Variants in CEP83 observed in about 807,000 individuals in gnomAD.
CEP83 encodes the protein centrosomal protein of 83 kDa.
Under a neutral mutation model 101.9 loss-of-function variants are expected in CEP83, and 70 were observed. The ratio of observed to expected loss-of-function variants is 0.69; its 90% CI spans 0.57 to 0.84. The LOEUF (loss-of-function observed/expected upper bound fraction) is 0.84. Among genes scored for constraint, CEP83 ranks in the 40% least tolerant of loss-of-function variants. The pLI is 0.00. For synonymous variants in CEP83, 264 were observed against 267.9 expected (o/e 0.99, Z 0.14); for missense variants, 715 against 787.2 (o/e 0.91, Z 1.10).
chr12:94,299,581 C>T, the CEP83 span, among the ~76,000 whole-genome samples: 17 of 151,942 alleles, frequency 1.1e-4, no homozygotes, highest in Non-Finnish European at 2.2e-4. Flanking sequence ...TTTTTTGAGA[C>T]AGGGTCTCAC....
In CEP83 at chr12:94,308,745, G is replaced by C; in HGVS notation, c.*68C>G. 9.4e-7 allele frequency: 1 copy of C among 1,064,704 alleles called. No individual in the cohort carries two copies. Among genetic ancestry groups the C allele is most frequent in the Non-Finnish European group, 1.5e-6 (1 of 687,682 alleles). The allele number at this position is 1,064,704 out of a possible 1,614,324, so 66.0% of individuals were successfully genotyped here. A position where few individuals can be genotyped will look rare whatever the true frequency, so the allele number is the denominator to read the frequency against. On this transcript the variant is annotated 3_prime_UTR_variant, in exon 17 of 17. Transcript: ENST00000397809. ...CAGTAAAAAGTATCTAAATGCCACA[G>C]GTTAAAATGTCAAGTTTTACTGAGT...
At chr12:94,332,539 T>C (rs2059268777) in intron 13 of CEP83, among the ~76,000 whole-genome samples, 1 of 152,204 alleles carries the variant, frequency 6.6e-6, no homozygotes, top group African/African-American at 2.4e-5. Flanking sequence ...ATGAATATTA[T>C]TTAGAAACCA....
At chr12:94,305,006 G>A (rs1427484969), downstream of CEP83, among the ~76,000 whole-genome samples, 2 of 152,214 alleles carry the variant, frequency 1.3e-5, no homozygotes, top group Non-Finnish European at 2.9e-5. Flanking sequence ...AGGTATTGTT[G>A]ATCCTGTGAT....
chr12:94,333,513 G>T lies in CEP83; in HGVS notation c.1546C>A (p.Gln516Lys). The part of the protein sequence containing the change: ...LKQECRNFRS[Q>K]AEKAQLEAEK... ...GCTTCTAGTTGCGCTTTTTCAGCTT[G>T]GCTTCTAAAATTTCGGCATTCTTGT... Residue 516 changes from glutamine (Q) to lysine (K), a missense_variant, in exon 13 of 17, where the codon CAA becomes AAA. Physicochemically the swap from Gln to Lys is moderately conservative, Grantham distance 53. Coordinates refer to ENST00000397809, the MANE Select transcript of CEP83 (RefSeq NM_016122.3). 6.2e-7 allele frequency: 1 copy of T among 1,613,084 alleles called. No individual in the cohort carries two copies. Among genetic ancestry groups the T allele is most frequent in the Non-Finnish European group, 8.5e-7 (1 of 1,179,590 alleles).
chr12:94,414,379 T>A (rs2064118840), intron 2 of CEP83, among the ~76,000 whole-genome samples: 1 of 152,204 alleles, frequency 6.6e-6, no homozygotes, highest in South Asian at 2.1e-4. Flanking sequence ...CACTGTTGTC[T>A]CATTTTAAGA....
At chr12:94,406,476 AGT>A (rs370002397) in intron 4 of CEP83, among the ~76,000 whole-genome samples, 69 of 150,570 alleles carry the variant, frequency 4.6e-4, no homozygotes, top group Non-Finnish European at 4.7e-4. Context: ...AGTGAGAGTG[AGT>A]GTGTGTGTGT....
chr12:94,363,820 C>T lies in CEP83; in HGVS notation c.1343+3974G>A, dbSNP rs150257502. 1.8e-3 allele frequency among the ~76,000 whole-genome samples: 269 copies of T among 151,776 alleles called. 1 individual carries two copies. The highest frequency in any genetic ancestry group is 5.5e-3 in the African/African-American group (228 of 41,406). ...AAAATTAGCCAGGTATGGTAGCAGG[C>T]GCCTTTAATCCCAGCTACTTGGGAG... On this transcript the variant is annotated intron_variant, in intron 11 of 16. Coordinates refer to ENST00000397809, the MANE Select transcript of CEP83 (RefSeq NM_016122.3).
intron 4 of CEP83, among the ~76,000 whole-genome samples, 155 bp downstream of exon 4, chr12:94,411,542 A>G (rs562640312): frequency 6.6e-6 from 1 of 152,294 alleles, no homozygotes; most frequent in African/African-American, 2.4e-5. Flanking sequence ...ACATTCTAAA[A>G]TATATGAAAG....
At chr12:94,390,107 G>C (rs562828812) in intron 6 of CEP83, among the ~76,000 whole-genome samples, 1 of 152,324 alleles carries the variant, frequency 6.6e-6, no homozygotes, top group East Asian at 1.9e-4. Flanking sequence ...GCTCTGAAGA[G>C]AGCAGTGGTT....
chr12:94,432,755 A>G (rs1381693042), intron 2 of CEP83, among the ~76,000 whole-genome samples: 2 of 152,224 alleles, frequency 1.3e-5, no homozygotes, highest in Admixed American at 1.3e-4. Context: ...AAATGTTCCC[A>G]ACATAAATGA....
intron 11 of CEP83, among the ~76,000 whole-genome samples, chr12:94,340,564 G>A (rs1014763556): frequency 2.0e-5 from 3 of 151,978 alleles, no homozygotes; most frequent in South Asian, 4.1e-4. Context: ...AGCCTCCTGA[G>A]TAGCTGGGAC....
At position 94,423,615 on chromosome 12, in the gene CEP83, G is replaced by A. The variant is rs113193129; in HGVS notation, c.-101-11024C>T. The A allele has an allele frequency of 2.3e-5, 36 of 1,544,326 alleles. No individual in the cohort carries two copies. The African/African-American group carries it at 2.7e-4, about 12-fold the overall frequency. On this transcript the variant is annotated intron_variant, in intron 2 of 16. Coordinates refer to ENST00000397809, the MANE Select transcript of CEP83 (RefSeq NM_016122.3). ...AGGCCCAGGCCTGTGAAAAACGATG[G>A]CTAAGTGTTAGTCCTTAGCAGGGCC...
chr12:94,459,307 T>A (rs150504295), intron 1 of CEP83, among the ~76,000 whole-genome samples: 1 of 152,302 alleles, frequency 6.6e-6, no homozygotes, highest in East Asian at 1.9e-4. Context: ...AGCTTTTTCA[T>A]CGTAAATTAA....
chr12:94,368,014 T>C (rs373035671), intron 10 of CEP83, 43 bp downstream of exon 10: 3 of 1,605,136 alleles, frequency 1.9e-6, no homozygotes, highest in Admixed American at 1.7e-5. Flanking sequence ...ATGTTTTCAT[T>C]TGCAAGGATA....
chr12:94,298,858 A>C, the CEP83 span: 4 of 1,367,382 alleles, frequency 2.9e-6, no homozygotes, highest in Non-Finnish European at 2.0e-6. Flanking sequence ...AACTAAAAGA[A>C]AGACATAGAT....
intron 1 of CEP83, among the ~76,000 whole-genome samples, chr12:94,435,542 C>G (rs181642045): frequency 6.6e-6 from 1 of 152,202 alleles, no homozygotes; most frequent in South Asian, 2.1e-4. Context: ...AAGACATGAA[C>G]TCTCGGGAGC....
chr12:94,321,792 CAG>C (rs2058755329), intron 14 of CEP83, among the ~76,000 whole-genome samples: 1 of 152,064 alleles, frequency 6.6e-6, no homozygotes, highest in South Asian at 2.1e-4. Context: ...CAGACAGTAA[CAG>C]AGCTGCTACT....
rs759605597 is a variant in CEP83, at chr12:94,310,038, A to G, written c.1881T>C (p.Asn627=). The change falls in exon 16 of 17, where the codon AAT becomes AAC. Residue 627 remains asparagine, a synonymous_variant. Transcript: ENST00000397809. ...GAACCAAAATTAGACTTCGAAATTCATTATGTCTTCTCTGTATATCTTTTA... is the reference window on the plus strand; with the variant it reads ...GAACCAAAATTAGACTTCGAAATTCGTTATGTCTTCTCTGTATATCTTTTA... The part of the protein sequence containing the change: ...KRLKDIQRRH[N]EFRSLILVPN... 1 of 1,607,404 alleles carries G rather than the reference A, an allele frequency of 6.2e-7. No homozygotes were observed. The highest frequency in any genetic ancestry group is 1.7e-5 in the Admixed American group (1 of 59,956).
intron 6 of CEP83, among the ~76,000 whole-genome samples, chr12:94,383,950 CAG>C (rs1232415617): frequency 6.6e-6 from 1 of 152,102 alleles, no homozygotes; most frequent in African/African-American, 2.4e-5. Context: ...AGAACCACAT[CAG>C]AGTTAAAATT....
Sources: gnomAD v4.1 joint callset for allele counts (sites outside exome capture counted in the v4.1 genomes callset) on GRCh38, gnomAD v4.1.1 for gene constraint, MANE v1.5 for transcripts, NCBI Gene and HGNC (gene_info 2026-07-23, HGNC 2026-07-21) for gene names.